The following ZRANB3 variants were observed in gnomAD, a reference collection of about 807,000 sequenced individuals.
The protein encoded by ZRANB3 is DNA annealing helicase and endonuclease ZRANB3.
A neutral mutation model predicts 133.8 loss-of-function variants in ZRANB3; 125 were observed. The observed-to-expected ratio is 0.93, with a 90% CI of 0.81 to 1.08. ZRANB3 has a LOEUF of 1.08. Ranked by LOEUF, ZRANB3 falls within the 50% of genes least tolerant of loss-of-function variation. The pLI is 0.00. For missense variants in ZRANB3, 1,229 were observed against 1,275.5 expected (o/e 0.96, Z 0.56); for synonymous variants, 387 against 432.7 (o/e 0.89, Z 1.31).
At chr2:135,301,255 A>C (rs1247854168) in intron 8 of ZRANB3, among the ~76,000 whole-genome samples, 1 of 147,190 alleles carries the variant, frequency 6.8e-6, no homozygotes, top group Admixed American at 6.9e-5. Context: ...GTACCGTCTC[A>C]CCCCACCGCA....
chr2:135,507,741 G>A (rs1342903776), intron 1 of ZRANB3, among the ~76,000 whole-genome samples: 1 of 151,798 alleles, frequency 6.6e-6, no homozygotes, highest in Non-Finnish European at 1.5e-5. Flanking sequence ...AATAGCTTGA[G>A]GTCAGGAGCT....
chr2:135,213,005 C>G (rs1168829438), intron 17 of ZRANB3, among the ~76,000 whole-genome samples: 1 of 152,178 alleles, frequency 6.6e-6, no homozygotes, highest in Non-Finnish European at 1.5e-5. Context: ...AAGCTGACTG[C>G]AAGCTCTGAG....
In ZRANB3 at chr2:135,476,668, T is replaced by C. The variant is rs111890086; in HGVS notation, c.161+27661A>G. 2.9e-3 allele frequency among the ~76,000 whole-genome samples: 447 copies of C among 151,940 alleles called. 2 individuals are homozygous for C. The highest frequency in any genetic ancestry group is 1.0e-2 in the African/African-American group (414 of 41,484). On this transcript the variant is annotated intron_variant, in intron 2 of 20. Transcript: ENST00000264159. ...AGAAAACCAGAAAATCCAACAAATA[T>C]TGAGCTCTCCATATTTCTTTTCCTT... is the stretch of plus-strand genomic sequence containing the variant.
chr2:135,525,773 G>A (rs376786900), intron 1 of ZRANB3, among the ~76,000 whole-genome samples: 27 of 149,330 alleles, frequency 1.8e-4, no homozygotes, highest in African/African-American at 5.7e-4. Flanking sequence ...GCTTGAACCC[G>A]GGAGGAGGAG....
intron 6 of ZRANB3, among the ~76,000 whole-genome samples, chr2:135,341,705 C>T (rs1452918500): frequency 6.7e-6 from 1 of 149,836 alleles, no homozygotes; most frequent in Non-Finnish European, 1.5e-5. Context: ...TAATTAACAG[C>T]CCTGGGAAAA....
At position 135,301,851 on chromosome 2, in the gene ZRANB3, G is replaced by A. The variant is rs138489428; in HGVS notation, c.966+11638C>T. 3.0e-3 allele frequency among the ~76,000 whole-genome samples: 451 copies of A among 152,222 alleles called. 3 individuals carry two copies. Among genetic ancestry groups the A allele is most frequent in the African/African-American group, 0.01 (420 of 41,534 alleles). On this transcript the variant is annotated intron_variant, in intron 8 of 20. Transcript: ENST00000264159. Reference sequence around the variant, plus strand: ...AATATTTATTTCATGGTCTTCCCCAGTAGATTGCAAGTTCCTTGAGAGGAA... The same window carrying A: ...AATATTTATTTCATGGTCTTCCCCAATAGATTGCAAGTTCCTTGAGAGGAA...
intron 2 of ZRANB3, among the ~76,000 whole-genome samples, chr2:135,489,395 A>G (rs985127396): frequency 1.5e-4 from 23 of 151,658 alleles, no homozygotes; most frequent in African/African-American, 5.3e-4. Flanking sequence ...CCAGCATGGC[A>G]CATGTATACA....
chr2:135,480,637 A>T (rs2104792173), intron 2 of ZRANB3, among the ~76,000 whole-genome samples: 1 of 151,872 alleles, frequency 6.6e-6, no homozygotes, highest in Middle Eastern at 3.4e-3. Context: ...ATTATACTTT[A>T]AGTTTTAGGG....
At chr2:135,521,714 A>C (rs576062900) in intron 1 of ZRANB3, among the ~76,000 whole-genome samples, 6 of 152,132 alleles carry the variant, frequency 3.9e-5, no homozygotes, top group Non-Finnish European at 5.9e-5. Flanking sequence ...GGCACTACAC[A>C]TAAGAGGGAA....
At position 135,336,166 on chromosome 2, in the gene ZRANB3, T is replaced by C. The variant is rs954328092; in HGVS notation, c.677+9384A>G. On this transcript the variant is annotated intron_variant, in intron 6 of 20. Coordinates refer to ENST00000264159, the MANE Select transcript of ZRANB3 (RefSeq NM_032143.4). ...TTCTGGTTGAGTAATACTTCTGCTG[T>C]CTGTCTCAAGTCAAACCAGGTAGCT... Among the ~76,000 whole-genome samples, 12 of 152,358 alleles carry C rather than the reference T, an allele frequency of 7.9e-5. No homozygotes were observed. The South Asian group carries it at 1.2e-3, about 16-fold the overall frequency.
At chr2:135,307,591 A>G (rs1682764572) in intron 8 of ZRANB3, among the ~76,000 whole-genome samples, 1 of 152,308 alleles carries the variant, frequency 6.6e-6, no homozygotes, top group Middle Eastern at 3.4e-3. Flanking sequence ...TCATTTCTGC[A>G]TCTGGCTTTA....
chr2:135,405,705 T>G (rs1687982942), intron 2 of ZRANB3, among the ~76,000 whole-genome samples: 1 of 152,198 alleles, frequency 6.6e-6, no homozygotes, highest in Admixed American at 6.5e-5. Context: ...CTGAACAACC[T>G]GCTCCTGAAT....
intron 8 of ZRANB3, among the ~76,000 whole-genome samples, chr2:135,312,635 C>T (rs886308152): frequency 9.9e-5 from 15 of 151,974 alleles, no homozygotes; most frequent in Non-Finnish European, 4.4e-5. Context: ...GGGTACTGAA[C>T]ATGGAATATC....
intron 11 of ZRANB3, among the ~76,000 whole-genome samples, chr2:135,267,861 G>A (rs536528668): frequency 2.0e-5 from 3 of 152,144 alleles, no homozygotes; most frequent in East Asian, 1.9e-4. Flanking sequence ...GATGGTGTTC[G>A]GAGGTGGGGC....
chr2:135,353,520 C>A lies in ZRANB3; in HGVS notation c.289G>T (p.Glu97Ter). The A allele has an allele frequency of 6.2e-7, 1 of 1,609,744 alleles. No homozygotes were observed. The highest frequency in any genetic ancestry group is 8.5e-7 in the Non-Finnish European group (1 of 1,177,536). The change falls in exon 4 of 21, where the codon GAA becomes TAA. Residue 97 changes from glutamate to a stop codon, truncating the protein, a stop_gained. Coordinates refer to ENST00000264159, the MANE Select transcript of ZRANB3 (RefSeq NM_032143.4). LOFTEE classifies it high-confidence loss of function. ...AGCTCTGGGATCCATTTTTCAATTT[C>A]TTCTGTCCAAGGGTACCTCAGAGAC... ...PSSLRYPWTE[E>*]IEKWIPELSP...
At chr2:135,458,291 A>T (rs1469806593) in intron 2 of ZRANB3, among the ~76,000 whole-genome samples, 1 of 151,970 alleles carries the variant, frequency 6.6e-6, no homozygotes, top group Non-Finnish European at 1.5e-5. Context: ...TACTATAGCT[A>T]TGTAGTAGTT....
chr2:135,493,396 A>G (rs927282203), intron 2 of ZRANB3, among the ~76,000 whole-genome samples: 9 of 151,224 alleles, frequency 6.0e-5, no homozygotes, highest in Admixed American at 1.3e-4. Flanking sequence ...CACAAGATAC[A>G]TATCTGGCAA....
chr2:135,278,948 G>A (rs985043103), intron 8 of ZRANB3, among the ~76,000 whole-genome samples: 8 of 152,094 alleles, frequency 5.3e-5, no homozygotes, highest in African/African-American at 1.9e-4. Flanking sequence ...TGAGAGTGGG[G>A]CAATAGGGGA....
chr2:135,510,646 G>C, intron 1 of ZRANB3: 1 of 786,152 alleles, frequency 1.3e-6, no homozygotes, highest in Non-Finnish European at 2.3e-6. Context: ...CCCACATAGA[G>C]GGCCTCCAGG....
Sources: allele counts gnomAD v4.1 joint callset (sites outside exome capture counted in the v4.1 genomes callset), GRCh38; gene constraint gnomAD v4.1.1; transcripts MANE v1.5; gene names NCBI Gene and HGNC (gene_info 2026-07-23, HGNC 2026-07-21).